The following CSMD3 variants were observed in gnomAD, a reference collection of about 807,000 sequenced individuals.
CSMD3 encodes CUB and sushi domain-containing protein 3.
Under a neutral mutation model 435.2 loss-of-function variants are expected in CSMD3, and 177 were observed. The ratio of observed to expected loss-of-function variants is 0.41; its 90% CI spans 0.36 to 0.46. The LOEUF is 0.46. CSMD3 is among the 20% of genes least tolerant of loss of function. CSMD3 has a pLI of 0.34. For missense variants in CSMD3, 4,265 were observed against 4,504.6 expected, an observed-to-expected ratio of 0.95 and a Z score of 1.52; for synonymous variants, 1,656 against 1,520.5, an observed-to-expected ratio of 1.09 and a Z score of -2.07.
intron 9 of CSMD3, among the ~76,000 whole-genome samples, chr8:112,937,694 A>T (rs1303796023): frequency 1.3e-5 from 2 of 151,992 alleles, no homozygotes; most frequent in African/African-American, 4.8e-5. Context: ...GGCCAGAAAC[A>T]CCTCTTCATA....
chr8:113,238,812 T>G (rs1297664352), intron 3 of CSMD3, among the ~76,000 whole-genome samples: 1 of 152,180 alleles, frequency 6.6e-6, no homozygotes, highest in Non-Finnish European at 1.5e-5. Flanking sequence ...CTGGCACTTA[T>G]AGGATAGGGA....
At chr8:112,301,319 A>G (rs531803925) in intron 53 of CSMD3, among the ~76,000 whole-genome samples, 1 of 151,686 alleles carries the variant, frequency 6.6e-6, no homozygotes, top group East Asian at 1.9e-4. Context: ...GGTTCAAAAA[A>G]TTTTTTTTTA....
chr8:113,184,855 GTTAA>G (rs1455732628), intron 3 of CSMD3, among the ~76,000 whole-genome samples: 2 of 152,108 alleles, frequency 1.3e-5, no homozygotes, highest in African/African-American at 4.8e-5. Flanking sequence ...CCTTCAAGGT[GTTAA>G]CTAATATTAG....
At chr8:112,290,648 T>C (rs79776066) in intron 56 of CSMD3, among the ~76,000 whole-genome samples, 147 of 152,104 alleles carry the variant, frequency 9.7e-4, no homozygotes, top group African/African-American at 3.3e-3. Context: ...AAAAAAATCC[T>C]CTAAATGAAG....
chr8:113,128,981 G>T (rs899725079), intron 4 of CSMD3, among the ~76,000 whole-genome samples: 6 of 152,080 alleles, frequency 3.9e-5, no homozygotes, highest in Admixed American at 3.9e-4. Flanking sequence ...AACATTTAAA[G>T]AAATTTGAGA....
rs1418731092 is a variant in CSMD3, at chr8:112,308,570, T to G, written c.7886-2378A>C. 3.9e-5 allele frequency among the ~76,000 whole-genome samples: 6 copies of G among 152,100 alleles called. No individual in the cohort carries two copies. In the East Asian group the frequency reaches 1.2e-3, roughly 29 times the overall value. ...AAAAGTCATCATAATTGAGTGGTTG[T>G]AAAAGAGGCTTGTCTATACAACTCT... On this transcript the variant is annotated intron_variant, in intron 50 of 70. Coordinates refer to ENST00000297405, the MANE Select transcript of CSMD3 (RefSeq NM_198123.2).
At chr8:112,304,266 TATAAC>T (rs1282914922) in intron 52 of CSMD3, among the ~76,000 whole-genome samples, 1 of 152,112 alleles carries the variant, frequency 6.6e-6, no homozygotes, top group Non-Finnish European at 1.5e-5. Context: ...ATAAACATGA[TATAAC>T]ATGATAAAAA....
chr8:112,255,194 A>T (rs898614591), intron 62 of CSMD3, 60 bp downstream of exon 62: 21 of 1,386,584 alleles, frequency 1.5e-5, no homozygotes, highest in Middle Eastern at 3.6e-4. Context: ...GAAAACCATT[A>T]AATGTCACCC....
At chr8:112,774,934 T>C in intron 13 of CSMD3, among the ~76,000 whole-genome samples, 1 of 152,008 alleles carries the variant, frequency 6.6e-6, no homozygotes, top group Non-Finnish European at 1.5e-5. Context: ...TTTAATCTCA[T>C]CTGCTGGTGC....
chr8:112,721,130 G>T (rs2076848494), intron 13 of CSMD3, among the ~76,000 whole-genome samples: 1 of 151,972 alleles, frequency 6.6e-6, no homozygotes, highest in African/African-American at 2.4e-5. Flanking sequence ...ACCTGTAGTA[G>T]ATCTCACAAG....
chr8:113,298,347 A>G (rs2093737923), intron 2 of CSMD3, among the ~76,000 whole-genome samples: 1 of 152,116 alleles, frequency 6.6e-6, no homozygotes, highest in African/African-American at 2.4e-5. Context: ...CAAGACATTG[A>G]TATGATAATA....
intron 38 of CSMD3, among the ~76,000 whole-genome samples, chr8:112,365,988 T>C (rs969639169): frequency 3.3e-5 from 5 of 152,146 alleles, no homozygotes; most frequent in Non-Finnish European, 7.4e-5. Flanking sequence ...TCAATTTCAA[T>C]GGAAATTTTA....
chr8:112,442,277 C>T (rs1464184890), intron 32 of CSMD3, among the ~76,000 whole-genome samples: 1 of 152,162 alleles, frequency 6.6e-6, no homozygotes, highest in African/African-American at 2.4e-5. Flanking sequence ...ACACCTCCTA[C>T]TATACCCCAC....
At chr8:113,327,288 A>G (rs1364299589) in intron 1 of CSMD3, among the ~76,000 whole-genome samples, 3 of 152,212 alleles carry the variant, frequency 2.0e-5, no homozygotes, top group Non-Finnish European at 4.4e-5. Flanking sequence ...AATGACTTGT[A>G]TTTGGTGGTA....
intron 63 of CSMD3, 108 bp from the exon 64 acceptor site, chr8:112,247,239 AGTTGG>A: frequency 1.4e-6 from 1 of 697,040 alleles, no homozygotes; most frequent in Non-Finnish European, 2.5e-6. Flanking sequence ...CGTATGGTAA[AGTTGG>A]AAGAAAAAAA....
intron 4 of CSMD3, among the ~76,000 whole-genome samples, chr8:113,165,626 T>A (rs2092134374): frequency 1.3e-5 from 2 of 152,098 alleles, no homozygotes; most frequent in South Asian, 4.1e-4. Context: ...GTTAAAATCA[T>A]TCCATCGAAG....
intron 17 of CSMD3, among the ~76,000 whole-genome samples, chr8:112,661,962 G>A (rs2075391610): frequency 6.6e-6 from 1 of 151,964 alleles, no homozygotes; most frequent in Non-Finnish European, 1.5e-5. Context: ...TATATACCAG[G>A]AGCACAGGGA....
chr8:112,325,837 C>G (rs887011864), intron 45 of CSMD3, among the ~76,000 whole-genome samples: 1 of 152,002 alleles, frequency 6.6e-6, no homozygotes, highest in Non-Finnish European at 1.5e-5. Flanking sequence ...GCTTTGCTTT[C>G]CTCATTTATA....
chr8:112,603,879 A>T (rs1306605999), intron 22 of CSMD3, among the ~76,000 whole-genome samples: 1 of 152,194 alleles, frequency 6.6e-6, no homozygotes, highest in Non-Finnish European at 1.5e-5. Context: ...GGAATATATT[A>T]GGTAAGTTAA....
Sources: gnomAD v4.1 joint callset for allele counts (sites outside exome capture counted in the v4.1 genomes callset) on GRCh38, gnomAD v4.1.1 for gene constraint, MANE v1.5 for transcripts, NCBI Gene and HGNC (gene_info 2026-07-23, HGNC 2026-07-21) for gene names.